EPHA7: variants seen among roughly 807,000 people sequenced by gnomAD.
EPHA7 encodes the protein EPH receptor A7, also known as ephrin type-A receptor 7.
In EPHA7, 25 loss-of-function variants were observed where a neutral mutation model predicts 112.6. That is an observed-to-expected ratio of 0.22 (90% CI 0.16 to 0.31). The LOEUF (loss-of-function observed/expected upper bound fraction) is 0.31. EPHA7 is among the 10% of genes least tolerant of loss of function. The pLI is 1.00. For missense variants in EPHA7, 962 were observed against 1,212.6 expected (o/e 0.79, Z 3.07); for synonymous variants, 437 against 406.5 (o/e 1.07, Z -0.90).
chr6:93,304,157 TGTA>T (rs1211912116), intron 5 of EPHA7, among the ~76,000 whole-genome samples: 1 of 151,850 alleles, frequency 6.6e-6, no homozygotes, highest in Non-Finnish European at 1.5e-5. Context: ...TTACTATACT[TGTA>T]GTATAGTAAT....
intron 16 of EPHA7, among the ~76,000 whole-genome samples, chr6:93,244,744 T>C (rs1435101100): frequency 6.6e-6 from 1 of 152,188 alleles, no homozygotes; most frequent in Non-Finnish European, 1.5e-5. Flanking sequence ...TTTTAAGCTA[T>C]GGTTAACTGA....
rs1462833873 is a variant in EPHA7, at chr6:93,359,874, G to GAGAGAGAGATAGAT, written c.833-1464_833-1463insATCTATCTCTCTCT. Among the ~76,000 whole-genome samples the GAGAGAGAGATAGAT allele has an allele frequency of 1.9e-3, 244 of 127,908 alleles. 1 individual carries two copies. Among genetic ancestry groups the GAGAGAGAGATAGAT allele is most frequent in the African/African-American group, 4.7e-3 (161 of 33,982 alleles). 83.9% of individuals were successfully genotyped at this position (127,908 alleles called of 152,430 possible). ...GATGATAGAGAGAGAGAGAGAGAGAGAGATAGATAGATAGATAGATAGATA... is the reference window on the plus strand; with the variant it reads ...GATGATAGAGAGAGAGAGAGAGAGAGAGAGAGAGATAGATAGATAGATAGATAGATAGATAGATA... On this transcript the variant is annotated intron_variant, in intron 3 of 16. Transcript: ENST00000369303.
chr6:93,333,955 C>T (rs1210807592), intron 5 of EPHA7, among the ~76,000 whole-genome samples: 3 of 151,822 alleles, frequency 2.0e-5, no homozygotes, highest in African/African-American at 4.8e-5. Context: ...TTTCAAAATT[C>T]ATATGAACCA....
chr6:93,324,076 G>C (rs748645684), intron 5 of EPHA7, among the ~76,000 whole-genome samples: 3 of 151,344 alleles, frequency 2.0e-5, no homozygotes, highest in Non-Finnish European at 3.0e-5. Flanking sequence ...AAATATTTTT[G>C]AGATTTTTCA....
At chr6:93,333,195 A>G (rs544519001) in intron 5 of EPHA7, among the ~76,000 whole-genome samples, 154 of 151,762 alleles carry the variant, frequency 1.0e-3, no homozygotes, top group African/African-American at 3.5e-3. Context: ...TCCATCCATG[A>G]TGCTTCAAAG....
At chr6:93,306,551 T>C (rs78103816) in intron 5 of EPHA7, among the ~76,000 whole-genome samples, 2,255 of 152,116 alleles carry the variant, frequency 0.015, 50 homozygotes, top group African/African-American at 0.052. Context: ...AGCTAGGTCA[T>C]ATTTCATGTA....
chr6:93,396,693 G>C lies in EPHA7; in HGVS notation c.832+13808C>G, dbSNP rs1778190640. Among the ~76,000 whole-genome samples, 2 of 151,680 alleles carry C rather than the reference G, an allele frequency of 1.3e-5. 1 individual carries two copies. The highest frequency in any genetic ancestry group is 2.9e-5 in the Non-Finnish European group (2 of 67,812). Reference sequence around the variant, plus strand: ...TTATGAAACATGCAGTTGTAACTCAGCTCTAAAGTACTACAATATATAGCT... The same window carrying C: ...TTATGAAACATGCAGTTGTAACTCACCTCTAAAGTACTACAATATATAGCT... On this transcript the variant is annotated intron_variant, in intron 3 of 16. Coordinates refer to ENST00000369303, the MANE Select transcript of EPHA7 (RefSeq NM_004440.4).
At position 93,259,617 on chromosome 6, in the gene EPHA7, A is replaced by G. The variant is rs115191577; in HGVS notation, c.1799-138T>C. On this transcript the variant is annotated intron_variant, in intron 9 of 16. Coordinates refer to ENST00000369303, the MANE Select transcript of EPHA7 (RefSeq NM_004440.4). ...TCACCTGATTCACAGCAGTTTTAAC[A>G]GACTACTTCAGTCTGCTGGCGTATA... is the stretch of plus-strand genomic sequence containing the variant. 108 of 950,452 alleles carry G rather than the reference A, an allele frequency of 1.1e-4. No individual in the cohort carries two copies. In the African/African-American group the frequency reaches 1.7e-3, roughly 15 times the overall value. The allele number at this position is 950,452 out of a possible 1,614,324, so 58.9% of individuals were successfully genotyped here. A position where few individuals can be genotyped will look rare whatever the true frequency, so the allele number is the denominator to read the frequency against.
chr6:93,307,524 T>A (rs1773316504), intron 5 of EPHA7, among the ~76,000 whole-genome samples: 1 of 152,134 alleles, frequency 6.6e-6, no homozygotes, highest in Non-Finnish European at 1.5e-5. Flanking sequence ...ATTCTAAGGA[T>A]TGAATCTATT....
intron 5 of EPHA7, among the ~76,000 whole-genome samples, chr6:93,279,778 T>G (rs1425117071): frequency 6.6e-6 from 1 of 152,152 alleles, no homozygotes; most frequent in East Asian, 1.9e-4. Flanking sequence ...CGTTTTTTTC[T>G]TAGTAAGATT....
chr6:93,282,157 A>G (rs1018187136), intron 5 of EPHA7, among the ~76,000 whole-genome samples: 2 of 152,164 alleles, frequency 1.3e-5, no homozygotes, highest in Admixed American at 1.3e-4. Context: ...AACAATATAT[A>G]ATTTGTTTAT....
At chr6:93,296,658 G>C (rs1254128087) in intron 5 of EPHA7, among the ~76,000 whole-genome samples, 1 of 151,476 alleles carries the variant, frequency 6.6e-6, no homozygotes, top group Non-Finnish European at 1.5e-5. Context: ...AATAAACAGA[G>C]ATAGAGAATA....
chr6:93,414,860 C>T, intron 1 of EPHA7, 93 bp from the exon 2 acceptor site: 5 of 944,260 alleles, frequency 5.3e-6, no homozygotes, highest in Non-Finnish European at 6.6e-6. Flanking sequence ...ATAACTATCA[C>T]TATATGACTT....
At chr6:93,309,133 G>T (rs1222299336) in intron 5 of EPHA7, among the ~76,000 whole-genome samples, 1 of 152,038 alleles carries the variant, frequency 6.6e-6, no homozygotes, top group East Asian at 1.9e-4. Flanking sequence ...GTATTTAGTA[G>T]AGACAGGGTT....
chr6:93,403,243 GA>G (rs891207422), intron 3 of EPHA7, among the ~76,000 whole-genome samples: 11 of 151,822 alleles, frequency 7.2e-5, no homozygotes, highest in Non-Finnish European at 1.0e-4. Context: ...TTCAGAGAAA[GA>G]AAATCTTTGC....
intron 5 of EPHA7, among the ~76,000 whole-genome samples, chr6:93,328,439 TACA>T (rs1229879658): frequency 6.6e-6 from 1 of 151,508 alleles, no homozygotes; most frequent in Non-Finnish European, 1.5e-5. Context: ...CTTTGAATGA[TACA>T]ACAATATATG....
intron 5 of EPHA7, among the ~76,000 whole-genome samples, chr6:93,285,898 C>G (rs1772038833): frequency 6.6e-6 from 1 of 152,138 alleles, no homozygotes; most frequent in African/African-American, 2.4e-5. Context: ...TGGCTAGCCA[C>G]TTGTTTTTGT....
At chr6:93,326,146 G>A (rs1392263821) in intron 5 of EPHA7, among the ~76,000 whole-genome samples, 1 of 151,352 alleles carries the variant, frequency 6.6e-6, no homozygotes, top group Non-Finnish European at 1.5e-5. Context: ...TTATGCCGTG[G>A]TAATAGTGGG....
chr6:93,418,646 T>G (rs549210785), intron 1 of EPHA7, among the ~76,000 whole-genome samples: 15 of 152,088 alleles, frequency 9.9e-5, no homozygotes, highest in Non-Finnish European at 1.5e-4. Context: ...CTCCGCGGCG[T>G]TATTGTTCCG....
Sources: allele counts gnomAD v4.1 joint callset (sites outside exome capture counted in the v4.1 genomes callset), GRCh38; gene constraint gnomAD v4.1.1; transcripts MANE v1.5; gene names NCBI Gene and HGNC (gene_info 2026-07-23, HGNC 2026-07-21).